Variants in MAGI2 observed in about 807,000 individuals in gnomAD.
MAGI2 encodes membrane associated guanylate kinase, WW and PDZ domain containing 2, also known as membrane-associated guanylate kinase, WW and PDZ domain-containing protein 2.
A neutral mutation model predicts 133.3 loss-of-function variants in MAGI2; 35 were observed. The observed-to-expected ratio is 0.26, with a 90% CI of 0.20 to 0.35. The LOEUF is 0.35. Ranked by LOEUF, MAGI2 falls within the 10% of genes least tolerant of loss-of-function variation. The pLI, the probability that MAGI2 is intolerant of heterozygous loss-of-function variation, is 1.00. For synonymous variants in MAGI2, 729 were observed against 710.6 expected (o/e 1.03, Z -0.41); for missense variants, 1,636 against 1,863.4 (o/e 0.88, Z 2.25).
In MAGI2 at chr7:78,582,790, A is replaced by T. The variant is rs569869791; in HGVS notation, c.538+44330T>A. ...CTCCTCTAGAAAAATGGGACCAGTTACATTGTTTGGTTTTGGAAGGGGAAT... is the reference window on the plus strand; with the variant it reads ...CTCCTCTAGAAAAATGGGACCAGTTTCATTGTTTGGTTTTGGAAGGGGAAT... On this transcript the variant is annotated intron_variant, in intron 3 of 21. Coordinates refer to ENST00000354212, the MANE Select transcript of MAGI2 (RefSeq NM_012301.4). 4.3e-4 allele frequency among the ~76,000 whole-genome samples: 65 copies of T among 152,342 alleles called. No individual in the cohort carries two copies. The East Asian group carries it at 0.012, about 28-fold the overall frequency.
intron 1 of MAGI2, among the ~76,000 whole-genome samples, chr7:79,299,554 C>CAAAAAAAAAAA (rs57740248): frequency 0.039 from 3,340 of 84,584 alleles, 1,024 homozygotes; most frequent in East Asian, 0.13. Context: ...GACTCCATCT[C>CAAAAAAAAAAA]AAAAAAAAAA....
intron 2 of MAGI2, among the ~76,000 whole-genome samples, chr7:78,794,509 A>G (rs1787432504): frequency 6.6e-6 from 1 of 152,162 alleles, no homozygotes; most frequent in Non-Finnish European, 1.5e-5. Flanking sequence ...CCTGTTTGCC[A>G]TAGGAAGATT....
chr7:78,020,031 CCT>C (rs1445186730), intron 21 of MAGI2, 55 bp from the exon 22 acceptor site: 1 of 1,451,072 alleles, frequency 6.9e-7, no homozygotes, highest in Non-Finnish European at 9.2e-7. Context: ...GTCCCCGTGC[CCT>C]CTCTACGCCG....
At chr7:78,349,022 C>G (rs1038308998) in intron 7 of MAGI2, among the ~76,000 whole-genome samples, 8 of 152,124 alleles carry the variant, frequency 5.3e-5, no homozygotes, top group Non-Finnish European at 1.2e-4. Context: ...ACATTCCTTT[C>G]CAAATTTTGA....
intron 20 of MAGI2, among the ~76,000 whole-genome samples, chr7:78,108,845 A>T (rs976045807): frequency 2.0e-5 from 3 of 152,130 alleles, no homozygotes; most frequent in African/African-American, 7.2e-5. Flanking sequence ...CTAGAGGAAG[A>T]TATCAATATA....
At chr7:78,662,858 A>C (rs1025221620) in intron 2 of MAGI2, among the ~76,000 whole-genome samples, 17 of 152,200 alleles carry the variant, frequency 1.1e-4, no homozygotes, top group Non-Finnish European at 5.9e-5. Context: ...TAAAGGTTTA[A>C]TAATAATAAA....
intron 2 of MAGI2, among the ~76,000 whole-genome samples, chr7:78,835,091 T>A (rs184107231): frequency 8.5e-4 from 129 of 152,300 alleles, no homozygotes; most frequent in African/African-American, 3.0e-3. Context: ...TACAGGTATA[T>A]ACCCAGAAGT....
intron 2 of MAGI2, among the ~76,000 whole-genome samples, chr7:78,976,163 G>C (rs1303793190): frequency 6.6e-6 from 1 of 151,484 alleles, no homozygotes; most frequent in Non-Finnish European, 1.5e-5. Context: ...CATTAACATA[G>C]ATGAAAATAT....
At chr7:78,992,428 CT>C (rs1805880871) in intron 2 of MAGI2, among the ~76,000 whole-genome samples, 1 of 151,938 alleles carries the variant, frequency 6.6e-6, no homozygotes, top group Non-Finnish European at 1.5e-5. Context: ...CATTTTTAAT[CT>C]CTTTAAATTT....
intron 20 of MAGI2, among the ~76,000 whole-genome samples, chr7:78,081,469 A>ATCTAACCC (rs1292148525): frequency 6.6e-6 from 1 of 152,214 alleles, no homozygotes. Flanking sequence ...AGGGCACAGA[A>ATCTAACCC]AGAACAGACA....
At chr7:79,370,889 A>C (rs1843005416) in intron 1 of MAGI2, among the ~76,000 whole-genome samples, 1 of 152,104 alleles carries the variant, frequency 6.6e-6, no homozygotes, top group Non-Finnish European at 1.5e-5. Flanking sequence ...ATAAAGGTCA[A>C]AATAAAATGA....
intron 2 of MAGI2, among the ~76,000 whole-genome samples, chr7:78,646,432 A>G (rs780525408): frequency 5.9e-5 from 9 of 152,228 alleles, no homozygotes; most frequent in Non-Finnish European, 1.2e-4. Flanking sequence ...TTGTAAGTGC[A>G]TGTATATATG....
At chr7:78,342,307 AGATGCTGGAGGG>A (rs1790469199) in intron 9 of MAGI2, among the ~76,000 whole-genome samples, 1 of 152,204 alleles carries the variant, frequency 6.6e-6, no homozygotes, top group African/African-American at 2.4e-5. Context: ...AGGAAACAAC[AGATGCTGGAGGG>A]GATGTGGAGA....
intron 2 of MAGI2, among the ~76,000 whole-genome samples, chr7:78,675,403 A>T (rs1454050288): frequency 6.6e-6 from 1 of 152,056 alleles, no homozygotes; most frequent in South Asian, 2.1e-4. Context: ...GAGGAAAGGA[A>T]GGAGGGAGAG....
At chr7:78,597,047 C>T (rs577035071) in intron 3 of MAGI2, among the ~76,000 whole-genome samples, 5 of 152,236 alleles carry the variant, frequency 3.3e-5, no homozygotes, top group Admixed American at 2.0e-4. Flanking sequence ...AGAGCTGCCA[C>T]ATTAGAGAAA....
intron 1 of MAGI2, among the ~76,000 whole-genome samples, chr7:79,026,763 A>G (rs1363239354): frequency 6.6e-6 from 1 of 151,968 alleles, no homozygotes; most frequent in Non-Finnish European, 1.5e-5. Flanking sequence ...AGTCCCAGCT[A>G]TTTGGGGGCT....
At chr7:78,439,759 C>A (rs539019692) in intron 6 of MAGI2, among the ~76,000 whole-genome samples, 3 of 152,110 alleles carry the variant, frequency 2.0e-5, no homozygotes, top group Non-Finnish European at 4.4e-5. Flanking sequence ...TGCTTACATA[C>A]CCTAACCTCA....
intron 2 of MAGI2, among the ~76,000 whole-genome samples, chr7:78,977,667 C>G (rs1804413007): frequency 6.6e-6 from 1 of 151,544 alleles, no homozygotes; most frequent in Non-Finnish European, 1.5e-5. Context: ...TCCCAAAGTA[C>G]AATCCATGAA....
At chr7:78,426,055 T>C (rs1799247358) in intron 6 of MAGI2, among the ~76,000 whole-genome samples, 1 of 152,228 alleles carries the variant, frequency 6.6e-6, no homozygotes, top group South Asian at 2.1e-4. Context: ...AGATGAGGAC[T>C]TTAAAGTAGC....
Sources: allele counts gnomAD v4.1 joint callset (sites outside exome capture counted in the v4.1 genomes callset), GRCh38; gene constraint gnomAD v4.1.1; transcripts MANE v1.5; gene names NCBI Gene and HGNC (gene_info 2026-07-23, HGNC 2026-07-21).